GNPTAB: variants seen among roughly 807,000 people sequenced by gnomAD.
GNPTAB encodes the protein N-acetylglucosamine-1-phosphotransferase subunits alpha/beta.
In GNPTAB, 92 loss-of-function variants were observed where a neutral mutation model predicts 136.6. That is an observed-to-expected ratio of 0.67 (90% CI 0.57 to 0.80). GNPTAB has a LOEUF of 0.80. Ranked by LOEUF, GNPTAB falls within the 30% of genes least tolerant of loss-of-function variation. The pLI, the probability that GNPTAB is intolerant of heterozygous loss-of-function variation, is 0.00. For synonymous variants in GNPTAB, 512 were observed against 535.1 expected (o/e 0.96, Z 0.60); for missense variants, 1,343 against 1,501.8 (o/e 0.89, Z 1.75).
chr12:101,820,917 C>A (rs1057150117), intron 1 of GNPTAB, among the ~76,000 whole-genome samples: 1 of 151,936 alleles, frequency 6.6e-6, no homozygotes, highest in East Asian at 1.9e-4. Flanking sequence ...AGTTGCTGGG[C>A]GTGGCAGTGC....
intron 15 of GNPTAB, 148 bp from the exon 16 acceptor site, chr12:101,760,291 A>T (rs1952973857): frequency 3.1e-6 from 2 of 643,750 alleles, no homozygotes; most frequent in Non-Finnish European, 5.5e-6. Context: ...AGATAAAGGC[A>T]CTCTAAGAAG....
At chr12:101,757,029 C>G in intron 18 of GNPTAB, 183 bp downstream of exon 18, 1 of 560,938 alleles carries the variant, frequency 1.8e-6, no homozygotes, top group Non-Finnish European at 3.1e-6. Flanking sequence ...AGGCTCATCC[C>G]TCTGCATGGG....
chr12:101,800,006 T>C (rs971414986), intron 1 of GNPTAB, among the ~76,000 whole-genome samples: 16 of 152,248 alleles, frequency 1.1e-4, no homozygotes, highest in African/African-American at 3.9e-4. Context: ...CTTGTTTCCA[T>C]ACACTTGTAC....
At chr12:101,814,428 G>A (rs1294942309) in intron 1 of GNPTAB, among the ~76,000 whole-genome samples, 1 of 152,180 alleles carries the variant, frequency 6.6e-6, no homozygotes, top group Non-Finnish European at 1.5e-5. Flanking sequence ...TGGACGCAGT[G>A]GCTCACGTCT....
intron 1 of GNPTAB, among the ~76,000 whole-genome samples, chr12:101,830,004 C>CAA (rs35884808): frequency 0.16 from 16,481 of 105,810 alleles, 1,241 homozygotes; most frequent in East Asian, 0.45. Flanking sequence ...AACCTCCTAC[C>CAA]AAAAAAAAAA....
chr12:101,808,154 G>T (rs912321520), intron 1 of GNPTAB, among the ~76,000 whole-genome samples: 1 of 152,144 alleles, frequency 6.6e-6, no homozygotes, highest in East Asian at 1.9e-4. Flanking sequence ...TTCACAGACA[G>T]GAAGGCTCAA....
chr12:101,828,189 T>C (rs893993508), intron 1 of GNPTAB, among the ~76,000 whole-genome samples: 5 of 152,234 alleles, frequency 3.3e-5, no homozygotes, highest in African/African-American at 9.6e-5. Context: ...GGGTCTGTTA[T>C]GTAGTAGGAA....
chr12:101,785,449 A>T (rs565376357), intron 5 of GNPTAB: 1 of 153,806 alleles, frequency 6.5e-6, no homozygotes, highest in East Asian at 1.9e-4. Context: ...TGAACTCCTT[A>T]GGCTCAAGCA....
rs372546182 is a variant in GNPTAB, at chr12:101,770,511, G to A, written c.1008C>T (p.Ile336=). 1.4e-5 allele frequency: 22 copies of A among 1,612,762 alleles called. No homozygotes were observed. The highest frequency in any genetic ancestry group is 2.7e-5 in the African/African-American group (2 of 74,906). Residue 336 remains isoleucine, a synonymous_variant, in exon 9 of 21, where the codon ATC becomes ATT. Coordinates refer to ENST00000299314, the MANE Select transcript of GNPTAB (RefSeq NM_024312.5). ...TCCGAACCCATGGTGCATGCCTCTC[G>A]ATAGATCGCAATGAGTACCTCAGTT... is the stretch of plus-strand genomic sequence containing the variant. ...NEELRYSLRS[I]ERHAPWVRNI... is the part of the protein sequence containing the mutation.
chr12:101,761,004 C>G, intron 15 of GNPTAB, 123 bp downstream of exon 15: 1 of 747,388 alleles, frequency 1.3e-6, no homozygotes. Flanking sequence ...TGGTCTCGAA[C>G]TCCTGAGCTC....
rs1952729108 is a variant in GNPTAB at position 101,746,023 on chromosome 12, C to G, written c.*1141G>C. 1.3e-5 allele frequency: 2 copies of G among 152,364 alleles called. No homozygotes were observed. The highest frequency in any genetic ancestry group is 4.8e-5 in the African/African-American group (2 of 41,380). 9.4% of individuals were successfully genotyped at this position (152,364 alleles called of 1,614,324 possible). On this transcript the variant is annotated 3_prime_UTR_variant, in exon 21 of 21. Transcript: ENST00000299314. ...CTCCAGCCTGGGCAACAGAGAGAGA[C>G]TCTGTCTCAAAAACAACAACAACAA...
chr12:101,789,312 G>A (rs1566087077), intron 3 of GNPTAB, among the ~76,000 whole-genome samples: 1 of 152,136 alleles, frequency 6.6e-6, no homozygotes, highest in Non-Finnish European at 1.5e-5. Flanking sequence ...TGGCAAAAGT[G>A]GCTGAGTTCT....
intron 7 of GNPTAB, 136 bp from the exon 8 acceptor site, chr12:101,771,293 G>A (rs1172487697): frequency 9.2e-6 from 7 of 763,004 alleles, no homozygotes; most frequent in Non-Finnish European, 1.3e-5. Context: ...CGCCAGGCTG[G>A]AGCGCAGTGG....
intron 5 of GNPTAB, 60 bp downstream of exon 5, chr12:101,785,952 T>C: frequency 8.1e-7 from 1 of 1,237,344 alleles, no homozygotes; most frequent in Non-Finnish European, 1.2e-6. Flanking sequence ...CCACTCAGAA[T>C]TTTGTTATTC....
chr12:101,799,056 A>C (rs1019090673), intron 1 of GNPTAB, among the ~76,000 whole-genome samples: 3 of 152,184 alleles, frequency 2.0e-5, no homozygotes, highest in Non-Finnish European at 4.4e-5. Context: ...TTTTTTAAAA[A>C]AAAAGGCAAT....
intron 4 of GNPTAB, 26 bp from the exon 5 acceptor site, chr12:101,786,243 C>T: frequency 6.4e-7 from 1 of 1,562,774 alleles, no homozygotes. Flanking sequence ...AACATGCTTA[C>T]AATTACATTC....
At chr12:101,755,698 T>C (rs1348802666) in intron 18 of GNPTAB, among the ~76,000 whole-genome samples, 2 of 152,234 alleles carry the variant, frequency 1.3e-5, no homozygotes, top group African/African-American at 4.8e-5. Flanking sequence ...GTCTGAAGTC[T>C]AGTTTTCCAT....
chr12:101,780,628 C>A lies in GNPTAB; in HGVS notation c.572-7G>T, dbSNP rs371104898. 10 of 1,592,420 alleles carry A rather than the reference C, an allele frequency of 6.3e-6. No homozygotes were observed. The African/African-American group carries it at 1.1e-4, about 17-fold the overall frequency. On this transcript the variant is annotated splice_polypyrimidine_tract_variant and splice_region_variant and intron_variant, in intron 5 of 20. Coordinates refer to ENST00000299314, the MANE Select transcript of GNPTAB (RefSeq NM_024312.5). ...CCAGAGTGGGCATCTTCAACTACAACCAAGAATACAATAAACAAGCACATT... is the reference window on the plus strand; with the variant it reads ...CCAGAGTGGGCATCTTCAACTACAAACAAGAATACAATAAACAAGCACATT...
At chr12:101,776,575 C>T (rs996954943) in intron 7 of GNPTAB, among the ~76,000 whole-genome samples, 25 of 152,250 alleles carry the variant, frequency 1.6e-4, no homozygotes, top group African/African-American at 5.8e-4. Flanking sequence ...AAACAAAAAA[C>T]TTCAGGTTTT....
Sources: gnomAD v4.1 joint callset for allele counts (sites outside exome capture counted in the v4.1 genomes callset) on GRCh38, gnomAD v4.1.1 for gene constraint, MANE v1.5 for transcripts, NCBI Gene and HGNC (gene_info 2026-07-23, HGNC 2026-07-21) for gene names.